The following PRKG1 variants were observed in gnomAD, a reference collection of about 807,000 sequenced individuals.
The protein encoded by PRKG1 is protein kinase cGMP-dependent 1, also known as cGMP-dependent protein kinase 1.
PRKG1 carries 35 observed loss-of-function variants against 88.1 expected under a neutral mutation model. The observed-to-expected ratio is 0.40, with a 90% CI of 0.30 to 0.53. The LOEUF is 0.53. PRKG1 is among the 20% of genes least tolerant of loss of function. The pLI is 0.59. For synonymous variants in PRKG1, 303 were observed against 292.5 expected, an observed-to-expected ratio of 1.04 and a Z score of -0.37; for missense variants, 540 against 839.8, an observed-to-expected ratio of 0.64 and a Z score of 4.41.
rs1350103161 is a variant in PRKG1 at position 50,991,326 on chromosome 10, G to C, written c.-53G>C. 1 of 1,486,704 alleles carries C rather than the reference G, an allele frequency of 6.7e-7. No homozygotes were observed. The highest frequency in any genetic ancestry group is 8.9e-7 in the Non-Finnish European group (1 of 1,120,776). 92.1% of individuals were successfully genotyped at this position (1,486,704 alleles called of 1,614,324 possible). A position where few individuals can be genotyped will look rare whatever the true frequency, so the allele number is the denominator to read the frequency against. ...TGCCGTCCCAGCCGCCGCCGCCGCCGCCGCCGCCGCCGCCGCCCGAGAAAA... is the reference window on the plus strand; with the variant it reads ...TGCCGTCCCAGCCGCCGCCGCCGCCCCCGCCGCCGCCGCCGCCCGAGAAAA... On this transcript the variant is annotated 5_prime_UTR_variant, in exon 1 of 18. Transcript: ENST00000401604. This position sits in a 1 kb window ranked among gnomAD's most constrained non-coding sequence, Gnocchi z 4.5.
intron 2 of PRKG1, among the ~76,000 whole-genome samples, chr10:51,181,235 T>TTTTTTTTTTTTTTTG: frequency 7.6e-6 from 1 of 131,764 alleles, no homozygotes. Flanking sequence ...TTTTTTTTTT[T>TTTTTTTTTTTTTTTG]TTTTTTTTTT....
chr10:52,113,000 C>T (rs752633187), intron 7 of PRKG1, among the ~76,000 whole-genome samples: 32 of 152,152 alleles, frequency 2.1e-4, no homozygotes, highest in Non-Finnish European at 4.0e-4. Context: ...TGCCACTCAT[C>T]AGCTTTATGG....
chr10:51,211,962 C>A (rs1383012875), intron 2 of PRKG1, among the ~76,000 whole-genome samples: 1 of 152,200 alleles, frequency 6.6e-6, no homozygotes, highest in Non-Finnish European at 1.5e-5. Context: ...ATTTAAAAAA[C>A]TACTTTAAAG....
chr10:51,258,010 A>G (rs1013155252), intron 2 of PRKG1, among the ~76,000 whole-genome samples: 1 of 152,180 alleles, frequency 6.6e-6, no homozygotes, highest in Non-Finnish European at 1.5e-5. Context: ...GACCTAGAGT[A>G]TACTCACATT....
intron 1 of PRKG1, among the ~76,000 whole-genome samples, chr10:51,085,680 T>A (rs1310825871): frequency 6.6e-6 from 1 of 152,198 alleles, no homozygotes; most frequent in Non-Finnish European, 1.5e-5. Context: ...AATGTAACTT[T>A]TTTTTCAGTT....
intron 9 of PRKG1, among the ~76,000 whole-genome samples, chr10:52,191,431 G>A (rs940634511): frequency 2.0e-5 from 3 of 151,872 alleles, no homozygotes; most frequent in South Asian, 2.1e-4. Context: ...GCCTCCCAAA[G>A]TGCTGGGATT....
At chr10:51,125,880 TTA>T (rs980593191) in intron 1 of PRKG1, among the ~76,000 whole-genome samples, 77 of 137,698 alleles carry the variant, frequency 5.6e-4, no homozygotes, top group African/African-American at 1.9e-3. Context: ...TTTAATAAAC[TTA>T]TATGATTTAT....
intron 14 of PRKG1, among the ~76,000 whole-genome samples, chr10:52,286,198 A>T (rs1842112730): frequency 1.3e-5 from 2 of 152,090 alleles, no homozygotes; most frequent in Non-Finnish European, 2.9e-5. Flanking sequence ...AAAACACGGC[A>T]TGTGTGGTAT....
intron 3 of PRKG1, among the ~76,000 whole-genome samples, chr10:51,468,077 A>G (rs1839954988): frequency 6.6e-6 from 1 of 151,904 alleles, no homozygotes; most frequent in African/African-American, 2.4e-5. Flanking sequence ...ATAACTTCTC[A>G]TAATTAGGAT....
chr10:51,015,655 G>A (rs1002089540), intron 1 of PRKG1, among the ~76,000 whole-genome samples: 12 of 152,186 alleles, frequency 7.9e-5, no homozygotes, highest in Admixed American at 3.3e-4. Context: ...GGGAGGCCAA[G>A]GCAGGCAAAT....
At chr10:51,739,550 AAATTG>A (rs1837378461) in intron 3 of PRKG1, among the ~76,000 whole-genome samples, 1 of 152,194 alleles carries the variant, frequency 6.6e-6, no homozygotes, top group South Asian at 2.1e-4. Flanking sequence ...ATATAACTAG[AAATTG>A]AATTGATTTA....
intron 7 of PRKG1, among the ~76,000 whole-genome samples, chr10:52,100,465 T>A (rs1023764542): frequency 5.3e-5 from 8 of 152,212 alleles, no homozygotes. Context: ...TATTTGTTTT[T>A]CTGCCGAGTT....
At chr10:51,570,696 GA>G (rs59489443) in intron 3 of PRKG1, among the ~76,000 whole-genome samples, 21,437 of 147,716 alleles carry the variant, frequency 0.15, 1,630 homozygotes, top group African/African-American at 0.2. Context: ...AAGAATTTTT[GA>G]AAAAAAAAAT....
chr10:51,146,743 T>C (rs754234252), intron 1 of PRKG1, among the ~76,000 whole-genome samples: 85 of 152,288 alleles, frequency 5.6e-4, no homozygotes, highest in Non-Finnish European at 1.1e-3. Context: ...TTTGAGTTGA[T>C]GTTTTGTATA....
At chr10:51,403,469 TTGAG>T (rs957644679) in intron 2 of PRKG1, among the ~76,000 whole-genome samples, 43 of 152,196 alleles carry the variant, frequency 2.8e-4, no homozygotes, top group African/African-American at 1.0e-3. Context: ...AGGGCATTTA[TTGAG>T]TATTTACTCT....
chr10:51,727,305 T>C (rs1842159739), intron 3 of PRKG1, among the ~76,000 whole-genome samples: 1 of 150,374 alleles, frequency 6.7e-6, no homozygotes, highest in African/African-American at 2.4e-5. Flanking sequence ...TATATATTTT[T>C]TTTACTTTTC....
intron 4 of PRKG1, among the ~76,000 whole-genome samples, chr10:51,864,822 T>C (rs1840973845): frequency 6.6e-6 from 1 of 152,174 alleles, no homozygotes; most frequent in African/African-American, 2.4e-5. Context: ...GCCTGGAAAA[T>C]AATTGTCTTG....
intron 5 of PRKG1, among the ~76,000 whole-genome samples, chr10:51,930,295 G>A (rs1421004370): frequency 6.6e-6 from 1 of 152,052 alleles, no homozygotes; most frequent in Non-Finnish European, 1.5e-5. Flanking sequence ...GATGAAAAGA[G>A]TTATGGAGCT....
chr10:51,011,725 G>T (rs113956152), intron 1 of PRKG1, among the ~76,000 whole-genome samples: 1 of 152,192 alleles, frequency 6.6e-6, no homozygotes, highest in Non-Finnish European at 1.5e-5. Context: ...TGGAAAATGT[G>T]CCATTCTTGC....
Sources: gnomAD v4.1 joint callset for allele counts (sites outside exome capture counted in the v4.1 genomes callset) on GRCh38, gnomAD v4.1.1 for gene constraint, Gnocchi (gnomAD v3.1) non-coding constraint, MANE v1.5 for transcripts, NCBI Gene and HGNC (gene_info 2026-07-23, HGNC 2026-07-21) for gene names.